The following ANKS1B variants were observed in gnomAD, a reference collection of about 807,000 sequenced individuals.
ANKS1B encodes the protein ankyrin repeat and sterile alpha motif domain-containing protein 1B.
In ANKS1B, 36 loss-of-function variants were observed where a neutral mutation model predicts 148.3. The ratio of observed to expected loss-of-function variants is 0.24; its 90% CI spans 0.19 to 0.32. ANKS1B has a LOEUF of 0.32. Among genes scored for constraint, ANKS1B ranks in the 10% least tolerant of loss-of-function variants. ANKS1B has a pLI of 1.00. For missense variants in ANKS1B, 1,157 were observed against 1,542.6 expected (o/e 0.75, Z 4.19); for synonymous variants, 542 against 560.8 (o/e 0.97, Z 0.47).
Position 98,807,766 on chromosome 12 carries a change from C to T in ANKS1B, c.3141+78G>A, listed in dbSNP as rs1448754083. The T allele has an allele frequency of 3.2e-5, 40 of 1,257,426 alleles. No homozygotes were observed. The Middle Eastern group carries it at 7.5e-4, about 23-fold the overall frequency. The allele number at this position is 1,257,426 out of a possible 1,614,324, so 77.9% of individuals were successfully genotyped here. A position where few individuals can be genotyped will look rare whatever the true frequency, so the allele number is the denominator to read the frequency against. ...TTTCTGCATTGCCAGGACACAGTACCTATAGCTGTTGACAACACTGTGCAA... is the reference window on the plus strand; with the variant it reads ...TTTCTGCATTGCCAGGACACAGTACTTATAGCTGTTGACAACACTGTGCAA... On this transcript the variant is annotated intron_variant, in intron 20 of 26. Transcript: ENST00000683438.
rs1473200186 is a variant in ANKS1B, at chr12:99,401,216, C to G, written c.1576-1405G>C. Reference sequence around the variant, plus strand: ...AATACAAAAGATCAGGGTTTAATGTCAGGCTTGGTTTCTCATGAAATGTCT... The same window carrying G: ...AATACAAAAGATCAGGGTTTAATGTGAGGCTTGGTTTCTCATGAAATGTCT... On this transcript the variant is annotated intron_variant, in intron 11 of 26. Transcript: ENST00000683438. 2.1e-5 allele frequency among the ~76,000 whole-genome samples: 3 copies of G among 146,108 alleles called. 1 individual carries two copies. Among genetic ancestry groups the G allele is most frequent in the African/African-American group, 7.8e-5 (3 of 38,552 alleles).
chr12:99,124,397 T>C (rs554754738), intron 15 of ANKS1B, among the ~76,000 whole-genome samples: 20 of 150,238 alleles, frequency 1.3e-4, no homozygotes, highest in African/African-American at 3.9e-4. Context: ...AATAAAAGCA[T>C]GCACAAACTT....
intron 17 of ANKS1B, among the ~76,000 whole-genome samples, chr12:98,848,738 G>C (rs544985508): frequency 9.5e-5 from 2 of 21,100 alleles, no homozygotes; most frequent in Non-Finnish European, 1.7e-4. Context: ...TTCTGTGTAT[G>C]TGTGGTTTTT....
intron 17 of ANKS1B, among the ~76,000 whole-genome samples, chr12:99,013,871 TACAA>T (rs993633711): frequency 7.2e-5 from 11 of 151,958 alleles, no homozygotes; most frequent in Admixed American, 2.0e-4. Context: ...TCAGAGATGA[TACAA>T]ACAAAGGGAA....
intron 12 of ANKS1B, among the ~76,000 whole-genome samples, chr12:99,369,807 C>T (rs960943133): frequency 2.8e-4 from 42 of 148,512 alleles, no homozygotes; most frequent in East Asian, 8.0e-4. Flanking sequence ...GACGGACAGA[C>T]GGACGGACGG....
intron 25 of ANKS1B, among the ~76,000 whole-genome samples, chr12:98,755,246 G>A (rs1339045840): frequency 1.3e-5 from 2 of 152,178 alleles, no homozygotes; most frequent in Non-Finnish European, 2.9e-5. Flanking sequence ...TGAAACGGGA[G>A]GAGAGTTGCT....
intron 17 of ANKS1B, among the ~76,000 whole-genome samples, chr12:98,864,127 T>G (rs2152258694): frequency 7.0e-6 from 1 of 143,770 alleles, no homozygotes; most frequent in South Asian, 2.2e-4. Flanking sequence ...GTGTCTGTGA[T>G]GCTTTTTTTT....
intron 17 of ANKS1B, among the ~76,000 whole-genome samples, chr12:99,042,360 A>C (rs2153495402): frequency 6.6e-6 from 1 of 152,306 alleles, no homozygotes; most frequent in African/African-American, 2.4e-5. Flanking sequence ...AGTGGGGCAC[A>C]GGGAGTCCCA....
chr12:99,488,000 T>C (rs893888768), intron 10 of ANKS1B, among the ~76,000 whole-genome samples: 1 of 152,172 alleles, frequency 6.6e-6, no homozygotes, highest in East Asian at 1.9e-4. Flanking sequence ...CTGTGTTGTG[T>C]ATTGTTGTAT....
chr12:98,815,054 T>C (rs993377662), intron 19 of ANKS1B, among the ~76,000 whole-genome samples: 4 of 152,224 alleles, frequency 2.6e-5, no homozygotes, highest in Non-Finnish European at 4.4e-5. Flanking sequence ...TTTCCAAAGT[T>C]TTCCTCCTAA....
intron 12 of ANKS1B, among the ~76,000 whole-genome samples, chr12:99,268,687 A>T (rs1015033505): frequency 6.6e-6 from 1 of 152,244 alleles, no homozygotes; most frequent in African/African-American, 2.4e-5. Context: ...ATAGGAAAGC[A>T]TAATTTCCTT....
intron 12 of ANKS1B, among the ~76,000 whole-genome samples, chr12:99,321,455 T>A (rs896044343): frequency 6.6e-6 from 1 of 152,212 alleles, no homozygotes; most frequent in Non-Finnish European, 1.5e-5. Flanking sequence ...AATCTCAGAC[T>A]GCTGTGCTAG....
intron 1 of ANKS1B, among the ~76,000 whole-genome samples, chr12:99,847,649 A>C (rs1313969136): frequency 6.6e-6 from 1 of 152,164 alleles, no homozygotes; most frequent in Admixed American, 6.5e-5. Context: ...TCAAACCTAA[A>C]AATAAAAATG....
intron 1 of ANKS1B, among the ~76,000 whole-genome samples, chr12:99,925,417 C>T (rs770125996): frequency 7.9e-5 from 12 of 152,172 alleles, no homozygotes; most frequent in Non-Finnish European, 1.3e-4. Flanking sequence ...GCCTGGGCTC[C>T]GGGAAGAATA....
chr12:99,241,631 T>A (rs964360660), intron 14 of ANKS1B, among the ~76,000 whole-genome samples: 2 of 152,224 alleles, frequency 1.3e-5, no homozygotes, highest in Non-Finnish European at 2.9e-5. Context: ...CTGATGAACA[T>A]TGATGTGAAA....
At chr12:98,950,008 T>G (rs1034311733) in intron 17 of ANKS1B, among the ~76,000 whole-genome samples, 4 of 152,160 alleles carry the variant, frequency 2.6e-5, no homozygotes, top group African/African-American at 9.7e-5. Flanking sequence ...ACATGCATTG[T>G]GGGAAAGGTT....
intron 9 of ANKS1B, among the ~76,000 whole-genome samples, chr12:99,635,101 CTAAG>C (rs1261709430): frequency 1.3e-5 from 2 of 152,142 alleles, no homozygotes; most frequent in East Asian, 1.9e-4. Context: ...ATCAAAAAAG[CTAAG>C]TAAGTGTTGG....
intron 17 of ANKS1B, among the ~76,000 whole-genome samples, chr12:98,978,939 T>C (rs1014156475): frequency 7.2e-5 from 11 of 151,834 alleles, no homozygotes; most frequent in African/African-American, 2.4e-4. Flanking sequence ...GTCAGGAGAT[T>C]GAGAACATCC....
At chr12:99,615,928 C>A (rs2097954159) in intron 9 of ANKS1B, among the ~76,000 whole-genome samples, 1 of 152,066 alleles carries the variant, frequency 6.6e-6, no homozygotes, top group Non-Finnish European at 1.5e-5. Context: ...AGCTGATAAG[C>A]AACTTCAGCA....
Sources: gnomAD v4.1 joint callset for allele counts (sites outside exome capture counted in the v4.1 genomes callset) on GRCh38, gnomAD v4.1.1 for gene constraint, MANE v1.5 for transcripts, NCBI Gene and HGNC (gene_info 2026-07-23, HGNC 2026-07-21) for gene names.